FARSB: variants seen among roughly 807,000 people sequenced by gnomAD.
The protein encoded by FARSB is phenylalanine--tRNA ligase beta subunit.
A neutral mutation model predicts 69.6 loss-of-function variants in FARSB; 40 were observed. The ratio of observed to expected loss-of-function variants is 0.57; its 90% CI spans 0.45 to 0.75. FARSB has a LOEUF of 0.75. FARSB is among the 30% of genes least tolerant of loss of function. The probability of loss-of-function intolerance (pLI) is 0.00; values close to 1 mark genes in which losing one functional copy is unlikely to be tolerated. For missense variants in FARSB, 632 were observed against 722.9 expected, an observed-to-expected ratio of 0.87 and a Z score of 1.44; for synonymous variants, 235 against 247.2, an observed-to-expected ratio of 0.95 and a Z score of 0.46.
At position 222,656,075 on chromosome 2, in the gene FARSB, G is replaced by C. The variant is rs146186962; in HGVS notation, c.-2C>G. 52 of 1,594,536 alleles carry C rather than the reference G, an allele frequency of 3.3e-5. No homozygotes were observed. In the African/African-American group the frequency reaches 5.4e-4, roughly 17 times the overall value. Reference sequence around the variant, plus strand: ...ACGCTTCACGCTGACAGTCGGCATGGTGTGTCGAACTCACTGCGCCTGCGC... The same window carrying C: ...ACGCTTCACGCTGACAGTCGGCATGCTGTGTCGAACTCACTGCGCCTGCGC... On this transcript the variant is annotated 5_prime_UTR_variant, in exon 1 of 17. Coordinates refer to ENST00000281828, the MANE Select transcript of FARSB (RefSeq NM_005687.5).
chr2:222,629,020 G>GC (rs1185033427), intron 9 of FARSB, 132 bp from the exon 10 acceptor site: 9 of 661,544 alleles, frequency 1.4e-5, no homozygotes, highest in African/African-American at 3.6e-5. Flanking sequence ...TCGCATTCCA[G>GC]CACTGTTTGG....
intron 16 of FARSB, among the ~76,000 whole-genome samples, chr2:222,592,048 A>G (rs1223504160): frequency 6.6e-6 from 1 of 152,200 alleles, no homozygotes; most frequent in Admixed American, 6.5e-5. Context: ...TAATACTGCC[A>G]AGGGGTTCCG....
At position 222,648,766 on chromosome 2, in the gene FARSB, C is replaced by G; in HGVS notation, c.88G>C (p.Glu30Gln). The G allele has an allele frequency of 6.2e-7, 1 of 1,604,372 alleles. No individual in the cohort carries two copies. Among genetic ancestry groups the G allele is most frequent in the Non-Finnish European group, 8.5e-7 (1 of 1,171,254 alleles). ...TDEEFDELCFEFGLELDEITS... is the reference protein window; with the variant it reads ...TDEEFDELCFQFGLELDEITS... The stretch of plus-strand genomic sequence containing the variant: ...ATTTCATCAAGCTCCAGACCAAATT[C>G]AAAACATAGTTCATCAAATTCTTCG... Residue 30 changes from glutamate to glutamine, a missense_variant, in exon 2 of 17, where the codon GAA (glutamate) becomes CAA (glutamine). Physicochemically the swap from Glu to Gln is conservative, Grantham distance 29. Transcript: ENST00000281828.
At chr2:222,595,856 T>C (rs912840793) in intron 16 of FARSB, among the ~76,000 whole-genome samples, 3 of 151,714 alleles carry the variant, frequency 2.0e-5, no homozygotes, top group African/African-American at 7.3e-5. Flanking sequence ...CCTCTTAACA[T>C]ACATAATTAA....
At chr2:222,635,809 G>A (rs1691563322) in intron 5 of FARSB, among the ~76,000 whole-genome samples, 1 of 152,334 alleles carries the variant, frequency 6.6e-6, no homozygotes, top group South Asian at 2.1e-4. Flanking sequence ...GCCAGGTGAG[G>A]TGGCTCACGC....
At position 222,571,772 on chromosome 2, in the gene FARSB, C is replaced by CA; in HGVS notation, c.*98dup. The CA allele has an allele frequency of 9.6e-7, 1 of 1,042,622 alleles. No individual in the cohort carries two copies. Among genetic ancestry groups the CA allele is most frequent in the Non-Finnish European group, 1.4e-6 (1 of 721,780 alleles). The allele number at this position is 1,042,622 out of a possible 1,614,324, so 64.6% of individuals were successfully genotyped here. A position where few individuals can be genotyped will look rare whatever the true frequency, so the allele number is the denominator to read the frequency against. ...CAGTGCTTTCTACTTTATTAAACAT[C>CA]AAAGCCCAAATAGATGTTCCCTGTG... On this transcript the variant is annotated 3_prime_UTR_variant, in exon 17 of 17. Transcript: ENST00000281828.
chr2:222,602,605 T>C (rs1690591707), intron 15 of FARSB, among the ~76,000 whole-genome samples: 1 of 151,706 alleles, frequency 6.6e-6, no homozygotes, highest in African/African-American at 2.4e-5. Flanking sequence ...TATCCAGTAA[T>C]TCTACTTCTT....
At chr2:222,585,360 TCTGTAGGTCACCATCATC>T (rs1376089649) in intron 16 of FARSB, among the ~76,000 whole-genome samples, 9 of 152,154 alleles carry the variant, frequency 5.9e-5, no homozygotes, top group African/African-American at 2.2e-4. Context: ...CAAAACCTCA[TCTGTAGGTCACCATCATC>T]AAAGACCAAA....
rs1238106242 is a variant in FARSB at position 222,599,934 on chromosome 2, A to T, written c.1612T>A (p.Ser538Thr). The T allele has an allele frequency of 6.9e-6, 11 of 1,595,048 alleles. No individual in the cohort carries two copies. The highest frequency in any genetic ancestry group is 1.4e-5 in the African/African-American group (1 of 73,502). The part of the protein sequence containing the change: ...EDKGGYVIKA[S>T]EGPAFFPGRC... The stretch of plus-strand genomic sequence containing the variant: ...TTCGGCTCATCTGTCTTACCTTCTG[A>T]TGCTTTGATCACATATCCCCCCTTG... The change falls in exon 16 of 17, where the codon TCA becomes ACA. Residue 538 changes from serine (S) to threonine (T), a missense_variant. Ser to Thr is a moderately conservative substitution (Grantham distance 58). Coordinates refer to ENST00000281828, the MANE Select transcript of FARSB (RefSeq NM_005687.5).
intron 5 of FARSB, 113 bp from the exon 6 acceptor site, chr2:222,634,654 TA>T (rs1691531356): frequency 1.7e-5 from 12 of 713,026 alleles, no homozygotes; most frequent in East Asian, 2.9e-5. Context: ...ATAGACTACA[TA>T]TTTTTTTTAA....
At chr2:222,579,440 A>G (rs968666014) in intron 16 of FARSB, among the ~76,000 whole-genome samples, 12 of 152,252 alleles carry the variant, frequency 7.9e-5, no homozygotes, top group Non-Finnish European at 1.8e-4. Context: ...AGAGCCTTCC[A>G]TGGAAAACAG....
intron 16 of FARSB, among the ~76,000 whole-genome samples, chr2:222,574,979 G>A (rs951668354): frequency 6.6e-6 from 1 of 152,200 alleles, no homozygotes; most frequent in Non-Finnish European, 1.5e-5. Context: ...ATTTCTTAGT[G>A]CTTTTGAAAA....
At chr2:222,576,720 T>C (rs1404098342) in intron 16 of FARSB, among the ~76,000 whole-genome samples, 1 of 152,036 alleles carries the variant, frequency 6.6e-6, no homozygotes, top group Non-Finnish European at 1.5e-5. Context: ...ATTGACAGGG[T>C]GGGTGACAAG....
At chr2:222,596,465 C>A (rs997102809) in intron 16 of FARSB, among the ~76,000 whole-genome samples, 1 of 152,122 alleles carries the variant, frequency 6.6e-6, no homozygotes, top group Non-Finnish European at 1.5e-5. Context: ...CTGACATATG[C>A]AGGAATCTCT....
At chr2:222,587,654 C>A (rs1690154287) in intron 16 of FARSB, among the ~76,000 whole-genome samples, 1 of 151,750 alleles carries the variant, frequency 6.6e-6, no homozygotes, top group South Asian at 2.1e-4. Flanking sequence ...AATAGACGCA[C>A]TAAAAAAATG....
chr2:222,569,866 A>T lies in FARSB; in HGVS notation c.*2005T>A, dbSNP rs944156586. The T allele has an allele frequency of 1.3e-5, 2 of 152,204 alleles. No individual in the cohort carries two copies. The highest frequency in any genetic ancestry group is 2.9e-5 in the Non-Finnish European group (2 of 68,042). The allele number at this position is 152,204 out of a possible 1,614,324, so 9.4% of individuals were successfully genotyped here. On this transcript the variant is annotated 3_prime_UTR_variant, in exon 17 of 17. Coordinates refer to ENST00000281828, the MANE Select transcript of FARSB (RefSeq NM_005687.5). The stretch of plus-strand genomic sequence containing the variant: ...CTGCAATTTGTAACTACTATAAGTA[A>T]CACTGTGAACACTTGCATAAAAATC...
chr2:222,623,515 A>G, intron 13 of FARSB, 135 bp downstream of exon 13: 2 of 703,240 alleles, frequency 2.8e-6, no homozygotes, highest in South Asian at 1.6e-5. Context: ...AATCTCAAGT[A>G]ACAAAGTTAT....
intron 15 of FARSB, among the ~76,000 whole-genome samples, chr2:222,612,490 G>A (rs900921704): frequency 1.3e-5 from 2 of 152,188 alleles, no homozygotes; most frequent in Non-Finnish European, 2.9e-5. Flanking sequence ...AAGATAGGTC[G>A]ATTTACAGTC....
intron 10 of FARSB, among the ~76,000 whole-genome samples, chr2:222,626,265 A>AG (rs60861172): frequency 3.3e-5 from 5 of 150,260 alleles, no homozygotes; most frequent in Non-Finnish European, 7.4e-5. Flanking sequence ...AAAAAAAAAA[A>AG]GAAGTAACTA....
Sources: allele counts gnomAD v4.1 joint callset (sites outside exome capture counted in the v4.1 genomes callset), GRCh38; gene constraint gnomAD v4.1.1; transcripts MANE v1.5; gene names NCBI Gene and HGNC (gene_info 2026-07-23, HGNC 2026-07-21).